The following ATXN2L variants were observed in gnomAD, a reference collection of about 807,000 sequenced individuals.
ATXN2L encodes the protein ataxin-2-like protein.
In ATXN2L, 24 loss-of-function variants were observed where a neutral mutation model predicts 120.7. That is an observed-to-expected ratio of 0.20 (90% CI 0.14 to 0.28). The LOEUF is 0.28. ATXN2L is among the 10% of genes least tolerant of loss of function. The probability of loss-of-function intolerance (pLI) is 1.00; values close to 1 mark genes in which losing one functional copy is unlikely to be tolerated. For synonymous variants in ATXN2L, 653 were observed against 568.1 expected, an observed-to-expected ratio of 1.15 and a Z score of -2.13; for missense variants, 1,312 against 1,432.3, an observed-to-expected ratio of 0.92 and a Z score of 1.36.
At chr16:28,826,155 T>G in intron 4 of ATXN2L, 85 bp from the exon 5 acceptor site, 1 of 1,526,444 alleles carries the variant, frequency 6.6e-7, no homozygotes, top group Non-Finnish European at 9.0e-7. Context: ...AGAAATCCAG[T>G]TCTATTTAAG....
Position 28,825,337 on chromosome 16 carries a change from CTT to C in ATXN2L, c.300-28_300-27del, listed in dbSNP as rs1348613318. On this transcript the variant is annotated intron_variant, in intron 1 of 21. Coordinates refer to ENST00000336783, the MANE Select transcript of ATXN2L (RefSeq NM_007245.4). ...AGTGGTCTAAGAGGGCTTGAACAGA[CTT>C]AAGTAATTTCTTGTTTTCTTTTATA... 4.3e-6 allele frequency: 7 copies of C among 1,611,878 alleles called. No individual in the cohort carries two copies. The South Asian group carries it at 4.4e-5, about 10-fold the overall frequency.
Position 28,834,025 on chromosome 16 carries a change from G to A in ATXN2L, c.2026-40G>A, listed in dbSNP as rs746705909. 1.9e-6 allele frequency: 3 copies of A among 1,603,028 alleles called. 1 individual carries two copies. The highest frequency in any genetic ancestry group is 3.3e-4 in the Middle Eastern group (2 of 5,994). Reference sequence around the variant, plus strand: ...CTCTAGGCATGGCCAGGAGTAGAGGGGAAAATACAAAATAAAATTGTCCTC... The same window carrying A: ...CTCTAGGCATGGCCAGGAGTAGAGGAGAAAATACAAAATAAAATTGTCCTC... On this transcript the variant is annotated intron_variant, in intron 15 of 21. Coordinates refer to ENST00000336783, the MANE Select transcript of ATXN2L (RefSeq NM_007245.4).
In ATXN2L at chr16:28,836,831, A is replaced by G. The variant is rs776075845; in HGVS notation, c.*566A>G. On this transcript the variant is annotated 3_prime_UTR_variant, in exon 22 of 22. Transcript: ENST00000336783. ...CCATGAGTGGAGGGAAGAGTGATCT[A>G]TGTCTCTTCCCCCAGCAGCTCGGAC... The G allele has an allele frequency of 5.0e-6, 8 of 1,608,452 alleles. No individual in the cohort carries two copies. The highest frequency in any genetic ancestry group is 6.8e-6 in the Non-Finnish European group (8 of 1,175,914).
At chr16:28,832,733 T>G (rs2054979325) in intron 12 of ATXN2L, 84 bp from the exon 13 acceptor site, 1 of 1,472,160 alleles carries the variant, frequency 6.8e-7, no homozygotes, top group Middle Eastern at 1.8e-4. Flanking sequence ...CTTTGCTTTC[T>G]TGTCCTCTGT....
At position 28,829,938 on chromosome 16, in the gene ATXN2L, C is replaced by T. The variant is rs1451842519; in HGVS notation, c.914C>T (p.Ser305Leu). The change falls in exon 8 of 22, where the codon TCA becomes TTA. Residue 305 changes from serine (S) to leucine (L), a missense_variant. Transcript: ENST00000336783. Reference protein sequence around the residue: ...RAAQLAREIESSPQYRLRIAM... With the variant: ...RAAQLAREIELSPQYRLRIAM... ...GCCCAGTTGGCTCGAGAGATTGAATCAAGCCCCCAGTACCGCCTACGGATC... is the reference window on the plus strand; with the variant it reads ...GCCCAGTTGGCTCGAGAGATTGAATTAAGCCCCCAGTACCGCCTACGGATC... 1.2e-6 allele frequency: 2 copies of T among 1,614,236 alleles called. No homozygotes were observed. Among genetic ancestry groups the T allele is most frequent in the Admixed American group, 3.3e-5 (2 of 60,032 alleles).
intron 14 of ATXN2L, 42 bp downstream of exon 14, chr16:28,833,396 G>A: frequency 1.2e-6 from 2 of 1,614,068 alleles, no homozygotes; most frequent in Middle Eastern, 1.6e-4. Context: ...TGGCAGGAGG[G>A]ATGAGAGCAA....
chr16:28,826,977 G>T lies in ATXN2L; in HGVS notation c.732G>T (p.Glu244Asp). ...GCAACAGCGACGACTATGACCTCGA[G>T]TCTGACATGGTATAGCCTCCTTCCC... ...GDSNSDDYDL[E>D]SDMSNGWDPN... The change falls in exon 6 of 22, where the codon GAG (glutamate) becomes GAT (aspartate). Residue 244 changes from glutamate (E) to aspartate (D), a missense_variant. Glu to Asp is a conservative substitution (Grantham distance 45, BLOSUM62 2). Transcript: ENST00000336783. The T allele has an allele frequency of 6.4e-7, 1 of 1,554,072 alleles. No homozygotes were observed. Among genetic ancestry groups the T allele is most frequent in the African/African-American group, 1.4e-5 (1 of 73,622 alleles).
chr16:28,832,755 T>A, intron 12 of ATXN2L, 62 bp from the exon 13 acceptor site: 2 of 1,557,910 alleles, frequency 1.3e-6, no homozygotes, highest in South Asian at 2.2e-5. Flanking sequence ...CTTTTGGCAC[T>A]GTGTAGCCAC....
chr16:28,833,052 CTT>C lies in ATXN2L; in HGVS notation c.1660-6_1660-5del. The C allele has an allele frequency of 6.2e-7, 1 of 1,613,024 alleles. No homozygotes were observed. The highest frequency in any genetic ancestry group is 2.2e-5 in the East Asian group (1 of 44,872). Reference sequence around the variant, plus strand: ...CAGACTGGACTGTGTGTGTTTCTCTCTTCCAGCTTCAGCCCAGTAGCTCCCCT... The same window carrying C: ...CAGACTGGACTGTGTGTGTTTCTCTCCCAGCTTCAGCCCAGTAGCTCCCCT... On this transcript the variant is annotated splice_region_variant and splice_polypyrimidine_tract_variant and intron_variant, in intron 13 of 21. Coordinates refer to ENST00000336783, the MANE Select transcript of ATXN2L (RefSeq NM_007245.4).
chr16:28,835,319 C>G lies in ATXN2L; in HGVS notation c.2605C>G (p.His869Asp). The change falls in exon 20 of 22, where the codon CAT (histidine) becomes GAT (aspartate). Residue 869 changes from histidine (H) to aspartate (D), a missense_variant. His to Asp is a moderately conservative substitution (Grantham distance 81). Transcript: ENST00000336783. The part of the protein sequence containing the change: ...QSYPHHATQL[H>D]AHQPQPATTP... ...CTACCCACACCATGCCACACAGCTC[C>G]ATGCCCACCAGCCGCAGCCGGCTAC... 6.2e-7 allele frequency: 1 copy of G among 1,613,730 alleles called. No homozygotes were observed. Among genetic ancestry groups the G allele is most frequent in the Non-Finnish European group, 8.5e-7 (1 of 1,179,960 alleles).
At position 28,823,152 on chromosome 16, in the gene ATXN2L, G is replaced by A. The variant is rs1596826563; in HGVS notation, c.-108G>A. 1.5e-6 allele frequency: 1 copy of A among 681,206 alleles called. No individual in the cohort carries two copies. The highest frequency in any genetic ancestry group is 1.9e-5 in the African/African-American group (1 of 52,824). The allele number at this position is 681,206 out of a possible 1,614,324, so 42.2% of individuals were successfully genotyped here. ...GGCTCCCCCCGCCCGCCCACGGCGG[G>A]CCCCGGCTGCCCGATCCCCCTCGCT... On this transcript the variant is annotated 5_prime_UTR_variant, in exon 1 of 22. Transcript: ENST00000336783.
Position 28,836,280 on chromosome 16 carries a change from A to G in ATXN2L, c.*15A>G. ...GTGGGGAGTGAGGGGTCTTGGAGGC[A>G]GGGCTGTCCCACAGGGCGCCCGCCG... On this transcript the variant is annotated 3_prime_UTR_variant, in exon 22 of 22. Transcript: ENST00000336783. 1 of 1,610,244 alleles carries G rather than the reference A, an allele frequency of 6.2e-7. No homozygotes were observed. The highest frequency in any genetic ancestry group is 8.5e-7 in the Non-Finnish European group (1 of 1,177,816).
intron 1 of ATXN2L, 69 bp downstream of exon 1, chr16:28,823,627 C>T (rs888158696): frequency 2.4e-4 from 305 of 1,248,982 alleles, no homozygotes; most frequent in Non-Finnish European, 2.9e-4. Context: ...TCCGGTGGGG[C>T]GGACCCCGAC....
rs1960579573 is a variant in ATXN2L at position 28,836,117 on chromosome 16, C to T, written c.3080C>T (p.Pro1027Leu). The T allele has an allele frequency of 6.2e-7, 1 of 1,614,036 alleles. No homozygotes were observed. Among genetic ancestry groups the T allele is most frequent in the African/African-American group, 1.3e-5 (1 of 74,922 alleles). ...TPSPYPYIGH[P>L]QGEQPGQAPG... ...TCACCCTACCCCTACATCGGACACC[C>T]CCAAGGTGAGCAGCCTGGCCAGGCG... Residue 1027 changes from proline (P) to leucine (L), a missense_variant, in exon 22 of 22, where the codon CCC becomes CTC. Coordinates refer to ENST00000336783, the MANE Select transcript of ATXN2L (RefSeq NM_007245.4).
intron 15 of ATXN2L, 166 bp from the exon 16 acceptor site, chr16:28,833,899 T>G: frequency 1.2e-6 from 1 of 827,460 alleles, no homozygotes. Flanking sequence ...ACCTGTAACT[T>G]TAGAATACTC....
In ATXN2L at chr16:28,823,080, G is replaced by A. The variant is rs1034430458; in HGVS notation, c.-180G>A. On this transcript the variant is annotated 5_prime_UTR_variant, in exon 1 of 22. Coordinates refer to ENST00000336783, the MANE Select transcript of ATXN2L (RefSeq NM_007245.4). ...AGACCCCCTCCCCTTCCGCCTCGCG[G>A]CGCTTCCTCGCGCCGCGGTCTTCTC... is the stretch of plus-strand genomic sequence containing the variant. 2.8e-6 allele frequency: 1 copy of A among 351,614 alleles called. No homozygotes were observed. The highest frequency in any genetic ancestry group is 5.0e-6 in the Non-Finnish European group (1 of 198,474). 21.8% of individuals were successfully genotyped at this position (351,614 alleles called of 1,614,324 possible). A position where few individuals can be genotyped will look rare whatever the true frequency, so the allele number is the denominator to read the frequency against.
In ATXN2L at chr16:28,829,291, CTG is replaced by C. The variant is rs1472210048; in HGVS notation, c.742-107_742-106del. 6.5e-6 allele frequency: 5 copies of C among 766,850 alleles called. No homozygotes were observed. In the East Asian group the frequency reaches 1.3e-4, roughly 19 times the overall value. The allele number at this position is 766,850 out of a possible 1,614,324, so 47.5% of individuals were successfully genotyped here. On this transcript the variant is annotated intron_variant, in intron 6 of 21. Coordinates refer to ENST00000336783, the MANE Select transcript of ATXN2L (RefSeq NM_007245.4). ...GTACTGGGATTACAGGTTTCAGCCA[CTG>C]TGCCCAGCCAATTTGTTCACATCTT...
At chr16:28,826,134 G>T in intron 4 of ATXN2L, 106 bp from the exon 5 acceptor site, 1 of 1,407,000 alleles carries the variant, frequency 7.1e-7, no homozygotes, top group Non-Finnish European at 9.8e-7. Flanking sequence ...GAAAAGTTTG[G>T]GAAGGGTAAG....
chr16:28,832,861 C>G lies in ATXN2L; in HGVS notation c.1633C>G (p.Leu545Val). The G allele has an allele frequency of 6.2e-7, 1 of 1,614,108 alleles. No individual in the cohort carries two copies. The highest frequency in any genetic ancestry group is 2.2e-5 in the East Asian group (1 of 44,884). ...ACAGAAACGATTCCAACTGGAAGAA[C>G]TGAGAAAGTTTGGGGCCCAGTTTAA... ...NEQKRFQLEE[L>V]RKFGAQFKLQ... The change falls in exon 13 of 22, where the codon CTG becomes GTG. Residue 545 changes from leucine (L) to valine (V), a missense_variant. Physicochemically the swap from Leu to Val is conservative, Grantham distance 32. Transcript: ENST00000336783.
Sources: gnomAD v4.1 joint callset for allele counts on GRCh38, gnomAD v4.1.1 for gene constraint, MANE v1.5 for transcripts, NCBI Gene and HGNC (gene_info 2026-07-23, HGNC 2026-07-21) for gene names.